Variants in SNX13 observed in about 807,000 individuals in gnomAD.
SNX13 encodes sorting nexin 13.
SNX13 carries 45 observed loss-of-function variants against 133.6 expected under a neutral mutation model. That is an observed-to-expected ratio of 0.34 (90% CI 0.27 to 0.43). The LOEUF (loss-of-function observed/expected upper bound fraction) is 0.43, where lower values mean the gene tolerates loss of function less well. Among genes scored for constraint, SNX13 ranks in the 20% least tolerant of loss-of-function variants. SNX13 has a pLI of 1.00. For synonymous variants in SNX13, 414 were observed against 373.9 expected (o/e 1.11, Z -1.24); for missense variants, 1,032 against 1,145.1 (o/e 0.90, Z 1.43).
chr7:17,845,295 CA>C (rs1790366599), intron 12 of SNX13, among the ~76,000 whole-genome samples: 1 of 152,068 alleles, frequency 6.6e-6, no homozygotes, highest in East Asian at 1.9e-4. Context: ...AAATACTGTA[CA>C]ATTCCACCTA....
At chr7:17,926,471 T>A (rs1800766709) in intron 1 of SNX13, among the ~76,000 whole-genome samples, 1 of 152,144 alleles carries the variant, frequency 6.6e-6, no homozygotes, top group South Asian at 2.1e-4. Context: ...AAAATTAATT[T>A]TTTCCTAATA....
intron 5 of SNX13, chr7:17,881,517 G>A (rs966046218): frequency 3.3e-5 from 5 of 151,938 alleles, no homozygotes; most frequent in Non-Finnish European, 7.4e-5. Context: ...AGAATTCCTA[G>A]TTTTCTTGGG....
At chr7:17,807,641 G>C (rs1437265998) in intron 20 of SNX13, among the ~76,000 whole-genome samples, 1 of 152,192 alleles carries the variant, frequency 6.6e-6, no homozygotes, top group Non-Finnish European at 1.5e-5. Flanking sequence ...CTCCTCATGT[G>C]GGTCCCTGAG....
chr7:17,842,106 C>G (rs920425329), intron 12 of SNX13, among the ~76,000 whole-genome samples: 21 of 151,904 alleles, frequency 1.4e-4, no homozygotes, highest in African/African-American at 4.8e-4. Flanking sequence ...TGAAGAAAGG[C>G]ACGAATATAA....
At chr7:17,843,785 T>G (rs1191330213) in intron 12 of SNX13, among the ~76,000 whole-genome samples, 2 of 152,044 alleles carry the variant, frequency 1.3e-5, no homozygotes, top group Non-Finnish European at 2.9e-5. Flanking sequence ...ACTCATATAT[T>G]TTTGGAAATC....
intron 1 of SNX13, among the ~76,000 whole-genome samples, chr7:17,903,322 T>C (rs991417158): frequency 1.3e-5 from 2 of 152,218 alleles, no homozygotes; most frequent in Non-Finnish European, 2.9e-5. Context: ...GACAATTATA[T>C]ATTTATAATT....
intron 1 of SNX13, chr7:17,899,531 T>C (rs922749562): frequency 1.3e-5 from 2 of 151,902 alleles, no homozygotes; most frequent in African/African-American, 4.8e-5. Context: ...GTATTTTCAA[T>C]TAGCCTGTCT....
rs541011031 is a variant in SNX13 at position 17,849,331 on chromosome 7, A to G, written c.1065+1016T>C. Among the ~76,000 whole-genome samples the G allele has an allele frequency of 5.9e-5, 9 of 152,166 alleles. No homozygotes were observed. In the South Asian group the frequency reaches 1.4e-3, roughly 24 times the overall value. ...ATATTCACTCCATTAAGAAAATCCTATTAGCACTATATCCAGTCTCTAATC... is the reference window on the plus strand; with the variant it reads ...ATATTCACTCCATTAAGAAAATCCTGTTAGCACTATATCCAGTCTCTAATC... On this transcript the variant is annotated intron_variant, in intron 11 of 25. Transcript: ENST00000428135.
At chr7:17,810,151 A>G (rs1365528866) in intron 20 of SNX13, among the ~76,000 whole-genome samples, 2 of 152,200 alleles carry the variant, frequency 1.3e-5, no homozygotes, top group Non-Finnish European at 2.9e-5. Context: ...GAGACACGAA[A>G]AACGCTTCAA....
chr7:17,839,791 C>A lies in SNX13; in HGVS notation c.1359+16G>T. 6.4e-7 allele frequency: 1 copy of A among 1,561,844 alleles called. No individual in the cohort carries two copies. Among genetic ancestry groups the A allele is most frequent in the South Asian group, 1.2e-5 (1 of 83,386 alleles). ...TACTGCTAAAGAAGAAAACAGTAAT[C>A]AAAATACAGCCTCACCTTTTCTGAT... On this transcript the variant is annotated intron_variant, in intron 13 of 25. Coordinates refer to ENST00000428135, the MANE Select transcript of SNX13 (RefSeq NM_015132.5).
chr7:17,892,711 A>C (rs1421124536), intron 3 of SNX13, among the ~76,000 whole-genome samples: 3 of 152,128 alleles, frequency 2.0e-5, no homozygotes, highest in Non-Finnish European at 2.9e-5. Context: ...ATAACTGTAA[A>C]GAAAGTTGTT....
At chr7:17,818,978 T>TTA (rs1435265452) in intron 18 of SNX13, among the ~76,000 whole-genome samples, 1 of 152,182 alleles carries the variant, frequency 6.6e-6, no homozygotes, top group Non-Finnish European at 1.5e-5. Context: ...ACAGTAGCTA[T>TTA]TACACTACAA....
At chr7:17,922,221 T>C (rs761361321) in intron 1 of SNX13, among the ~76,000 whole-genome samples, 3 of 152,212 alleles carry the variant, frequency 2.0e-5, no homozygotes, top group Non-Finnish European at 4.4e-5. Context: ...AGTCCTGTTC[T>C]AGTTGCGGCT....
chr7:17,852,703 A>C (rs1327829489), intron 9 of SNX13, among the ~76,000 whole-genome samples: 1 of 152,204 alleles, frequency 6.6e-6, no homozygotes, highest in African/African-American at 2.4e-5. Flanking sequence ...GATAATGACA[A>C]AGGTGTATGA....
chr7:17,894,732 T>C (rs922257214), intron 2 of SNX13, among the ~76,000 whole-genome samples: 10 of 152,284 alleles, frequency 6.6e-5, no homozygotes, highest in Admixed American at 5.2e-4. Context: ...AATGATCTTA[T>C]AGTAATGTTA....
intron 13 of SNX13, among the ~76,000 whole-genome samples, chr7:17,835,252 T>G (rs1037700535): frequency 2.0e-5 from 3 of 151,910 alleles, no homozygotes; most frequent in Admixed American, 6.6e-5. Context: ...AACACTGTCA[T>G]TAGGAGTCAG....
At chr7:17,872,088 G>A (rs1057320769) in intron 8 of SNX13, among the ~76,000 whole-genome samples, 2 of 152,194 alleles carry the variant, frequency 1.3e-5, no homozygotes, top group Non-Finnish European at 2.9e-5. Flanking sequence ...GTTGCCCGGA[G>A]CTCAGAAGGT....
chr7:17,912,796 G>A (rs1799133584), intron 1 of SNX13, among the ~76,000 whole-genome samples: 1 of 152,158 alleles, frequency 6.6e-6, no homozygotes, highest in African/African-American at 2.4e-5. Flanking sequence ...AGGCATTTTA[G>A]TCTCAGGCCA....
In SNX13 at chr7:17,931,782, A is replaced by G. The variant is rs372185777; in HGVS notation, c.12+8502T>C. Among the ~76,000 whole-genome samples the G allele has an allele frequency of 4.6e-5, 7 of 152,322 alleles. No individual in the cohort carries two copies. In the South Asian group the frequency reaches 1.4e-3, roughly 32 times the overall value. Reference sequence around the variant, plus strand: ...TCCAGTTAATATACATGATCCTCTCATAAGTATATTTACAGACCATTATTC... The same window carrying G: ...TCCAGTTAATATACATGATCCTCTCGTAAGTATATTTACAGACCATTATTC... On this transcript the variant is annotated intron_variant, in intron 1 of 25. Coordinates refer to ENST00000428135, the MANE Select transcript of SNX13 (RefSeq NM_015132.5).
Sources: allele counts gnomAD v4.1 joint callset (sites outside exome capture counted in the v4.1 genomes callset), GRCh38; gene constraint gnomAD v4.1.1; transcripts MANE v1.5; gene names NCBI Gene and HGNC (gene_info 2026-07-23, HGNC 2026-07-21).